UNC13C: variants seen among roughly 807,000 people sequenced by gnomAD.
UNC13C encodes unc-13 homolog C.
In UNC13C, 174 loss-of-function variants were observed where a neutral mutation model predicts 245.4. The ratio of observed to expected loss-of-function variants is 0.71; its 90% confidence interval spans 0.63 to 0.80. The LOEUF (loss-of-function observed/expected upper bound fraction) is 0.80. UNC13C is among the 30% of genes least tolerant of loss of function. UNC13C has a pLI of 0.00. For synonymous variants in UNC13C, 992 were observed against 895.1 expected, an observed-to-expected ratio of 1.11 and a Z score of -1.93; for missense variants, 2,829 against 2,602.9, an observed-to-expected ratio of 1.09 and a Z score of -1.89.
chr15:53,974,361 T>A (rs1893633497), upstream of UNC13C, among the ~76,000 whole-genome samples: 1 of 152,226 alleles, frequency 6.6e-6, no homozygotes, highest in Admixed American at 6.5e-5. Context: ...TCATTAACTC[T>A]GTGCTTTACT....
intron 2 of UNC13C, among the ~76,000 whole-genome samples, chr15:54,074,622 A>T (rs976712420): frequency 5.3e-5 from 8 of 152,046 alleles, no homozygotes; most frequent in African/African-American, 1.9e-4. Flanking sequence ...ATTCCTAGGT[A>T]TTTTATTCTC....
At chr15:54,279,203 A>G (rs986998804) in intron 10 of UNC13C, among the ~76,000 whole-genome samples, 3 of 152,134 alleles carry the variant, frequency 2.0e-5, no homozygotes, top group African/African-American at 7.2e-5. Flanking sequence ...ATCTCTTTGC[A>G]TTTTTCACAT....
chr15:54,525,465 T>A, intron 24 of UNC13C, 84 bp from the exon 25 acceptor site: 1 of 865,158 alleles, frequency 1.2e-6, no homozygotes, highest in South Asian at 1.9e-5. Flanking sequence ...GAAGTTACCA[T>A]ATAATAATCA....
chr15:54,033,608 A>T (rs1896456158), intron 2 of UNC13C, among the ~76,000 whole-genome samples: 3 of 152,336 alleles, frequency 2.0e-5, no homozygotes, highest in Admixed American at 6.5e-5. Flanking sequence ...TATTGTGAAT[A>T]AAATCCCCTA....
chr15:54,587,894 C>T (rs1898575550), intron 30 of UNC13C, among the ~76,000 whole-genome samples: 1 of 152,154 alleles, frequency 6.6e-6, no homozygotes, highest in Non-Finnish European at 1.5e-5. Context: ...ATTTTAATGA[C>T]TAATTGAGTC....
intron 2 of UNC13C, among the ~76,000 whole-genome samples, chr15:54,085,492 AGGAGACTCT>A (rs1175280096): frequency 6.6e-6 from 1 of 152,214 alleles, no homozygotes; most frequent in Non-Finnish European, 1.5e-5. Flanking sequence ...ATTTGCATAA[AGGAGACTCT>A]GTATTGTCAG....
chr15:54,023,027 T>A (rs576818599), intron 2 of UNC13C, among the ~76,000 whole-genome samples: 2 of 152,282 alleles, frequency 1.3e-5, no homozygotes, highest in African/African-American at 4.8e-5. Flanking sequence ...AGCCAAAGTG[T>A]TTAAGTGTAT....
At chr15:54,287,416 T>C (rs779095199) in intron 10 of UNC13C, among the ~76,000 whole-genome samples, 1 of 152,202 alleles carries the variant, frequency 6.6e-6, no homozygotes, top group Non-Finnish European at 1.5e-5. Flanking sequence ...AAAATGAACT[T>C]ACTATGTTTT....
chr15:54,155,530 A>G (rs1213387808), intron 4 of UNC13C, among the ~76,000 whole-genome samples: 1 of 152,178 alleles, frequency 6.6e-6, no homozygotes, highest in Non-Finnish European at 1.5e-5. Context: ...TATTCTTCAA[A>G]TTATATATTT....
intron 24 of UNC13C, among the ~76,000 whole-genome samples, chr15:54,520,597 A>C (rs1895173659): frequency 6.6e-6 from 1 of 152,176 alleles, no homozygotes; most frequent in Non-Finnish European, 1.5e-5. Context: ...AAAAAGGAGA[A>C]TTGAAGGACA....
intron 2 of UNC13C, among the ~76,000 whole-genome samples, chr15:54,098,746 C>T (rs1900013064): frequency 6.6e-6 from 1 of 152,146 alleles, no homozygotes; most frequent in African/African-American, 2.4e-5. Flanking sequence ...TAAAACATTT[C>T]ACCAGTAAAA....
intron 2 of UNC13C, among the ~76,000 whole-genome samples, chr15:54,021,146 C>T (rs2141003909): frequency 6.6e-6 from 1 of 152,084 alleles, no homozygotes; most frequent in South Asian, 2.1e-4. Context: ...TTCAAAGAAG[C>T]TAATTAACAT....
the UNC13C span, among the ~76,000 whole-genome samples, chr15:53,869,786 G>A: frequency 6.6e-6 from 1 of 152,186 alleles, no homozygotes; most frequent in South Asian, 2.1e-4. Context: ...CAAAGGTCTT[G>A]AGTAAACACC....
At chr15:53,954,068 A>G in the UNC13C span, among the ~76,000 whole-genome samples, 3 of 152,196 alleles carry the variant, frequency 2.0e-5, no homozygotes, top group Admixed American at 6.5e-5. Flanking sequence ...TTTCTCATTC[A>G]TCATTTCCTA....
chr15:53,845,968 A>G, the UNC13C span, among the ~76,000 whole-genome samples: 1,258 of 152,162 alleles, frequency 8.3e-3, 21 homozygotes, highest in African/African-American at 0.029. Context: ...TAGAAAACAT[A>G]CTCCAAGTAC....
chr15:54,132,992 A>G (rs1016953020), intron 2 of UNC13C, among the ~76,000 whole-genome samples: 1 of 152,212 alleles, frequency 6.6e-6, no homozygotes, highest in African/African-American at 2.4e-5. Flanking sequence ...CAACATTTTT[A>G]CTTTTATCTT....
Position 54,196,497 on chromosome 15 carries a change from C to A in UNC13C, c.3072-38533C>A, listed in dbSNP as rs147739683. The stretch of plus-strand genomic sequence containing the variant: ...AAGTTATTTTATGAAACTGGTGTAA[C>A]CTTAGTACCCAAATCAGATAAGGAC... On this transcript the variant is annotated intron_variant, in intron 4 of 32. Transcript: ENST00000260323. 4.3e-3 allele frequency among the ~76,000 whole-genome samples: 654 copies of A among 152,152 alleles called. 8 individuals carry two copies. The highest frequency in any genetic ancestry group is 0.015 in the African/African-American group (637 of 41,524).
chr15:54,005,760 C>G (rs185291871), intron 1 of UNC13C, among the ~76,000 whole-genome samples: 5 of 152,262 alleles, frequency 3.3e-5, no homozygotes, highest in African/African-American at 1.2e-4. Context: ...GGAGGACATT[C>G]TAGACAGAGT....
At chr15:54,572,228 A>G (rs1300908799) in intron 30 of UNC13C, among the ~76,000 whole-genome samples, 4 of 151,870 alleles carry the variant, frequency 2.6e-5, no homozygotes, top group Non-Finnish European at 5.9e-5. Context: ...AAGGCTCACT[A>G]CCTTGAATGA....
Sources: gnomAD v4.1 joint callset for allele counts (sites outside exome capture counted in the v4.1 genomes callset) on GRCh38, gnomAD v4.1.1 for gene constraint, MANE v1.5 for transcripts, NCBI Gene and HGNC (gene_info 2026-07-23, HGNC 2026-07-21) for gene names.